The following CAST variants were observed in gnomAD, a reference collection of about 807,000 sequenced individuals.
CAST encodes the protein MIR583 host.
A neutral mutation model predicts 119.6 loss-of-function variants in CAST; 76 were observed. That is an observed-to-expected ratio of 0.64 (90% CI 0.53 to 0.77). The LOEUF (loss-of-function observed/expected upper bound fraction) is 0.77. Among genes scored for constraint, CAST ranks in the 30% least tolerant of loss-of-function variants. The pLI, the probability that CAST is intolerant of heterozygous loss-of-function variation, is 0.00. For synonymous variants in CAST, 319 were observed against 331.6 expected, an observed-to-expected ratio of 0.96 and a Z score of 0.41; for missense variants, 953 against 946.5, an observed-to-expected ratio of 1.01 and a Z score of -0.09.
intron 1 of CAST, among the ~76,000 whole-genome samples, chr5:96,558,158 G>A (rs900467833): frequency 6.6e-6 from 1 of 152,118 alleles, no homozygotes; most frequent in Non-Finnish European, 1.5e-5. Context: ...TGAAACCAAC[G>A]AGAATAAAGA....
chr5:96,710,711 T>G (rs1755953306), intron 3 of CAST, among the ~76,000 whole-genome samples: 1 of 152,168 alleles, frequency 6.6e-6, no homozygotes, highest in Non-Finnish European at 1.5e-5. Context: ...CTATTCTACA[T>G]ATAGTTTCAA....
the CAST span, among the ~76,000 whole-genome samples, chr5:96,191,512 G>A: frequency 6.6e-6 from 1 of 152,076 alleles, no homozygotes; most frequent in Non-Finnish European, 1.5e-5. Context: ...TTCATCTCCA[G>A]AGACTAAGCT....
At chr5:96,589,089 C>T (rs1323117229) in intron 1 of CAST, among the ~76,000 whole-genome samples, 1 of 148,616 alleles carries the variant, frequency 6.7e-6, no homozygotes, top group Non-Finnish European at 1.5e-5. Context: ...CCCTTCCTTC[C>T]CAAAACAGTT....
the CAST span, among the ~76,000 whole-genome samples, chr5:96,176,862 T>G: frequency 6.6e-6 from 1 of 152,336 alleles, no homozygotes; most frequent in East Asian, 1.9e-4. Context: ...GGAATTACAT[T>G]GTTTTGCAGA....
At position 96,553,675 on chromosome 5, in the gene CAST, C is replaced by T. The variant is rs180869752; in HGVS notation, c.60+23795C>T. Among the ~76,000 whole-genome samples, 477 of 152,318 alleles carry T rather than the reference C, an allele frequency of 3.1e-3. 1 individual carries two copies. The highest frequency in any genetic ancestry group is 5.1e-3 in the Non-Finnish European group (344 of 68,040). ...AAACCCCATCGTCTCAGCCCAAAAT[C>T]TCCTTAAGCTGATAAGCAACTTCAG... On this transcript the variant is annotated intron_variant, in intron 1 of 11. Coordinates refer to the CAST transcript ENST00000505143.
the CAST span, among the ~76,000 whole-genome samples, chr5:96,299,084 A>C: frequency 6.6e-6 from 1 of 151,934 alleles, no homozygotes. Context: ...TACTAAAAAT[A>C]CAAAAAAAAA....
intron 1 of CAST, among the ~76,000 whole-genome samples, chr5:96,622,213 C>A (rs1370491223): frequency 6.6e-6 from 1 of 151,914 alleles, no homozygotes; most frequent in African/African-American, 2.4e-5. Context: ...CATGATCCAC[C>A]CACCTCGGCC....
At chr5:96,382,516 ATATT>A in the CAST span, among the ~76,000 whole-genome samples, 2 of 152,192 alleles carry the variant, frequency 1.3e-5, no homozygotes, top group Non-Finnish European at 2.9e-5. Context: ...ACAAAGAACT[ATATT>A]AATTAATTAA....
At chr5:96,047,435 T>G in the CAST span, among the ~76,000 whole-genome samples, 1 of 152,210 alleles carries the variant, frequency 6.6e-6, no homozygotes, top group Non-Finnish European at 1.5e-5. Flanking sequence ...TGAAATAATA[T>G]TTAAAAACAT....
chr5:96,506,358 G>T, the CAST span, among the ~76,000 whole-genome samples: 1 of 152,236 alleles, frequency 6.6e-6, no homozygotes, highest in Non-Finnish European at 1.5e-5. Context: ...TATCAGAGCA[G>T]CTGATTAAGA....
the CAST span, among the ~76,000 whole-genome samples, chr5:96,009,869 G>T: frequency 1.3e-5 from 2 of 152,036 alleles, no homozygotes; most frequent in South Asian, 2.1e-4. Context: ...TTATTTGCCA[G>T]GTCGATGTCA....
At chr5:96,165,483 C>A in the CAST span, among the ~76,000 whole-genome samples, 1 of 151,794 alleles carries the variant, frequency 6.6e-6, no homozygotes, top group Admixed American at 6.6e-5. Context: ...AATAACTACC[C>A]AATGGTATGT....
the CAST span, among the ~76,000 whole-genome samples, chr5:96,261,007 T>G: frequency 6.6e-6 from 1 of 152,326 alleles, no homozygotes; most frequent in African/African-American, 2.4e-5. Flanking sequence ...GCAAAATTGC[T>G]GAGTAAGGGT....
At chr5:96,309,829 G>A in the CAST span, among the ~76,000 whole-genome samples, 1 of 152,264 alleles carries the variant, frequency 6.6e-6, no homozygotes, top group African/African-American at 2.4e-5. Context: ...ACCTCAGTTT[G>A]AAATGCAGAA....
intron 1 of CAST, among the ~76,000 whole-genome samples, chr5:96,540,714 G>A (rs547465177): frequency 6.6e-6 from 1 of 152,246 alleles, no homozygotes; most frequent in East Asian, 1.9e-4. Flanking sequence ...GTTTCCACAA[G>A]TTCCTCTAAG....
chr5:96,570,061 CT>C (rs1746543651), intron 1 of CAST, among the ~76,000 whole-genome samples: 1 of 152,200 alleles, frequency 6.6e-6, no homozygotes, highest in Non-Finnish European at 1.5e-5. Context: ...AAATCGTACC[CT>C]GATCTAAAAT....
the CAST span, among the ~76,000 whole-genome samples, chr5:96,467,102 T>C: frequency 6.6e-6 from 1 of 152,156 alleles, no homozygotes; most frequent in Admixed American, 6.6e-5. Context: ...AACATCTTTT[T>C]ATTTGCACAA....
At chr5:96,497,444 C>T in the CAST span, among the ~76,000 whole-genome samples, 1 of 152,086 alleles carries the variant, frequency 6.6e-6, no homozygotes, top group Non-Finnish European at 1.5e-5. Context: ...ACACTGACTT[C>T]CACAATGGTT....
the CAST span, among the ~76,000 whole-genome samples, chr5:96,162,637 C>T: frequency 8.5e-5 from 13 of 152,210 alleles, no homozygotes; most frequent in Admixed American, 3.9e-4. Flanking sequence ...AGGCTGATCT[C>T]GAACTCCTGA....
Sources: allele counts gnomAD v4.1 joint callset (sites outside exome capture counted in the v4.1 genomes callset), GRCh38; gene constraint gnomAD v4.1.1; transcripts MANE v1.5; gene names NCBI Gene and HGNC (gene_info 2026-07-23, HGNC 2026-07-21).